The following PPP2R5A variants were observed in gnomAD, a reference collection of about 807,000 sequenced individuals.
The protein encoded by PPP2R5A is protein phosphatase 2 regulatory subunit B'alpha.
A neutral mutation model predicts 64.2 loss-of-function variants in PPP2R5A; 25 were observed. That is an observed-to-expected ratio of 0.39 (90% CI 0.28 to 0.54). PPP2R5A has a LOEUF of 0.54. Ranked by LOEUF, PPP2R5A falls within the 20% of genes least tolerant of loss-of-function variation. The pLI, the probability that PPP2R5A is intolerant of heterozygous loss-of-function variation, is 0.67. For synonymous variants in PPP2R5A, 198 were observed against 201.2 expected (o/e 0.98, Z 0.13); for missense variants, 425 against 576.3 (o/e 0.74, Z 2.69).
rs1659460098 is a variant in PPP2R5A, at chr1:212,329,319, T to C, written c.366T>C (p.Asp122=). The part of the protein sequence containing the change: ...RGVIVESAYS[D]IVKMISANIF... ...TAATTGTTGAATCAGCGTATTCTGA[T>C]ATAGTAAAAATGGTAAGCCTCTAGA... The change falls in exon 2 of 13, where the codon GAT becomes GAC. Residue 122 remains aspartate, a synonymous_variant. Transcript: ENST00000261461. The C allele has an allele frequency of 6.3e-7, 1 of 1,594,240 alleles. No individual in the cohort carries two copies. Among genetic ancestry groups the C allele is most frequent in the Admixed American group, 1.8e-5 (1 of 55,428 alleles).
Position 212,361,027 on chromosome 1 carries a change from C to A in PPP2R5A, c.*257C>A. ...CACAGAAATGAATGAATTTTATCAT[C>A]TATGATATGAGTGAGATAATTATGG... On this transcript the variant is annotated 3_prime_UTR_variant, in exon 13 of 13. Transcript: ENST00000261461. 1 of 264,428 alleles carries A rather than the reference C, an allele frequency of 3.8e-6. No individual in the cohort carries two copies. Among genetic ancestry groups the A allele is most frequent in the Non-Finnish European group, 7.1e-6 (1 of 140,850 alleles). 16.4% of individuals were successfully genotyped at this position (264,428 alleles called of 1,614,324 possible).
At position 212,360,779 on chromosome 1, in the gene PPP2R5A, C is replaced by G. The variant is rs777710661; in HGVS notation, c.*9C>G. 6.0e-6 allele frequency: 9 copies of G among 1,506,176 alleles called. No individual in the cohort carries two copies. Among genetic ancestry groups the G allele is most frequent in the Non-Finnish European group, 7.9e-6 (9 of 1,133,332 alleles). 93.3% of individuals were successfully genotyped at this position (1,506,176 alleles called of 1,614,324 possible). On this transcript the variant is annotated 3_prime_UTR_variant, in exon 13 of 13. Coordinates refer to ENST00000261461, the MANE Select transcript of PPP2R5A (RefSeq NM_006243.4). ...ATACAAGTGCCGAATAAAAAAAAAGCCTCCCACCTCTGCCGGATAGGCAGA... is the reference window on the plus strand; with the variant it reads ...ATACAAGTGCCGAATAAAAAAAAAGGCTCCCACCTCTGCCGGATAGGCAGA...
chr1:212,353,309 G>A (rs1659919583), intron 8 of PPP2R5A, among the ~76,000 whole-genome samples: 1 of 152,146 alleles, frequency 6.6e-6, no homozygotes, highest in South Asian at 2.1e-4. Flanking sequence ...ACAATCTTTT[G>A]TATCTTACTC....
At position 212,286,237 on chromosome 1, in the gene PPP2R5A, C is replaced by T. The variant is rs1191625387; in HGVS notation, c.127C>T (p.Gln43Ter). The change falls in exon 1 of 13, where the codon CAG (glutamine) becomes TAG (stop). Residue 43 changes from glutamine to a stop codon, truncating the protein, a stop_gained. Transcript: ENST00000261461. LOFTEE classifies it high-confidence loss of function. ...QRQKRSQGSS[Q>*]FRSQGSQAEL... Reference sequence around the variant, plus strand: ...GCAGAAGCGCTCCCAGGGCTCGTCGCAGTTTCGCAGCCAGGGCAGCCAGGC... The same window carrying T: ...GCAGAAGCGCTCCCAGGGCTCGTCGTAGTTTCGCAGCCAGGGCAGCCAGGC... 6.4e-7 allele frequency: 1 copy of T among 1,558,988 alleles called. No individual in the cohort carries two copies. The highest frequency in any genetic ancestry group is 8.7e-7 in the Non-Finnish European group (1 of 1,154,032).
At chr1:212,303,520 T>G (rs1658838205) in intron 1 of PPP2R5A, among the ~76,000 whole-genome samples, 1 of 152,202 alleles carries the variant, frequency 6.6e-6, no homozygotes, top group South Asian at 2.1e-4. Flanking sequence ...GGTGGTATCC[T>G]TTGAAGCGCA....
chr1:212,311,557 ATTTT>A, intron 1 of PPP2R5A, among the ~76,000 whole-genome samples: 1 of 152,036 alleles, frequency 6.6e-6, no homozygotes, highest in Non-Finnish European at 1.5e-5. Context: ...TTATTATACT[ATTTT>A]TATCATTATT....
At chr1:212,303,046 A>G (rs1658827578) in intron 1 of PPP2R5A, among the ~76,000 whole-genome samples, 1 of 152,108 alleles carries the variant, frequency 6.6e-6, no homozygotes, top group Admixed American at 6.5e-5. Flanking sequence ...TAATGCTGCT[A>G]TGAACATTTG....
At chr1:212,351,974 TTTTA>T (rs1035289967) in intron 8 of PPP2R5A, among the ~76,000 whole-genome samples, 2 of 150,258 alleles carry the variant, frequency 1.3e-5, no homozygotes, top group Admixed American at 1.3e-4. Flanking sequence ...TTCTTTTTTA[TTTTA>T]TTTTATATTT....
chr1:212,350,257 T>A (rs1659852490), intron 8 of PPP2R5A, among the ~76,000 whole-genome samples: 1 of 152,250 alleles, frequency 6.6e-6, no homozygotes, highest in South Asian at 2.1e-4. Context: ...GTTTTTTGAC[T>A]TTTAGATTTA....
chr1:212,354,716 G>A (rs972506979), intron 8 of PPP2R5A, among the ~76,000 whole-genome samples: 3 of 123,962 alleles, frequency 2.4e-5, no homozygotes, highest in African/African-American at 1.0e-4. Flanking sequence ...CAAAAAGAGA[G>A]AGAAATGTTG....
intron 1 of PPP2R5A, among the ~76,000 whole-genome samples, chr1:212,321,329 C>T (rs181553466): frequency 0.026 from 3,950 of 149,704 alleles, 152 homozygotes; most frequent in African/African-American, 0.091. Flanking sequence ...CTGACCCCCC[C>T]ACCTCCCTTC....
chr1:212,296,960 T>A (rs1242470049), intron 1 of PPP2R5A, among the ~76,000 whole-genome samples: 1 of 152,178 alleles, frequency 6.6e-6, no homozygotes, highest in Non-Finnish European at 1.5e-5. Context: ...GATTCCTCTA[T>A]TAAATGGAAG....
In PPP2R5A at chr1:212,303,625, T is replaced by C. The variant is rs116858131; in HGVS notation, c.181+17334T>C. 1.1e-3 allele frequency among the ~76,000 whole-genome samples: 173 copies of C among 152,340 alleles called. 4 individuals are homozygous for C. The East Asian group carries it at 0.03, about 27-fold the overall frequency. On this transcript the variant is annotated intron_variant, in intron 1 of 12. Transcript: ENST00000261461. Reference sequence around the variant, plus strand: ...AAGGATCCTTTCCCAGATATGAGGCTATGAAGATTTACTCTGTGTTTTCTT... The same window carrying C: ...AAGGATCCTTTCCCAGATATGAGGCCATGAAGATTTACTCTGTGTTTTCTT...
intron 1 of PPP2R5A, chr1:212,301,791 T>C: frequency 9.0e-7 from 1 of 1,107,158 alleles, no homozygotes; most frequent in Non-Finnish European, 1.1e-6. Context: ...ACTGTAGTGG[T>C]ATTGCTGGGT....
At chr1:212,325,514 G>A (rs1659390152) in intron 1 of PPP2R5A, among the ~76,000 whole-genome samples, 1 of 152,128 alleles carries the variant, frequency 6.6e-6, no homozygotes, top group African/African-American at 2.4e-5. Flanking sequence ...TCACATAATT[G>A]AAGTGGGATC....
chr1:212,319,810 G>A (rs1313303601), intron 1 of PPP2R5A, among the ~76,000 whole-genome samples: 2 of 151,160 alleles, frequency 1.3e-5, no homozygotes, highest in South Asian at 4.2e-4. Context: ...TTTAGTAGAG[G>A]TGGGGTTTCA....
At chr1:212,290,032 G>A (rs990839941) in intron 1 of PPP2R5A, among the ~76,000 whole-genome samples, 5 of 152,082 alleles carry the variant, frequency 3.3e-5, no homozygotes, top group East Asian at 3.8e-4. Flanking sequence ...GGAGACAGCC[G>A]GGAAATAAAT....
intron 1 of PPP2R5A, among the ~76,000 whole-genome samples, chr1:212,293,774 A>T (rs1354611175): frequency 6.6e-6 from 1 of 151,810 alleles, no homozygotes; most frequent in Non-Finnish European, 1.5e-5. Flanking sequence ...CTCCTACTGG[A>T]ATGGTGATGC....
At chr1:212,312,591 A>T (rs750033622) in intron 1 of PPP2R5A, among the ~76,000 whole-genome samples, 1 of 152,208 alleles carries the variant, frequency 6.6e-6, no homozygotes, top group African/African-American at 2.4e-5. Flanking sequence ...TCTTAGCCTT[A>T]TTTAGGATTT....
Sources: gnomAD v4.1 joint callset for allele counts (sites outside exome capture counted in the v4.1 genomes callset) on GRCh38, gnomAD v4.1.1 for gene constraint, MANE v1.5 for transcripts, NCBI Gene and HGNC (gene_info 2026-07-23, HGNC 2026-07-21) for gene names.